Variants in PHC2 observed in about 807,000 individuals in gnomAD.
The protein encoded by PHC2 is polyhomeotic-like protein 2.
In PHC2, 29 loss-of-function variants were observed where a neutral mutation model predicts 87.4. The observed-to-expected ratio is 0.33, with a 90% CI of 0.25 to 0.45. PHC2 has a LOEUF of 0.45. Among genes scored for constraint, PHC2 ranks in the 20% least tolerant of loss-of-function variants. The pLI, the probability that PHC2 is intolerant of heterozygous loss-of-function variation, is 1.00. For synonymous variants in PHC2, 438 were observed against 461.7 expected (o/e 0.95, Z 0.66); for missense variants, 857 against 1,136.7 (o/e 0.75, Z 3.54).
chr1:33,421,504 A>C (rs772305993), intron 1 of PHC2, among the ~76,000 whole-genome samples: 17 of 152,214 alleles, frequency 1.1e-4, no homozygotes, highest in Non-Finnish European at 2.5e-4. Flanking sequence ...GAAAGGAAGG[A>C]GTTATGGGTG....
intron 1 of PHC2, among the ~76,000 whole-genome samples, chr1:33,391,813 C>A (rs1649065884): frequency 6.6e-6 from 1 of 152,130 alleles, no homozygotes; most frequent in Non-Finnish European, 1.5e-5. Flanking sequence ...CGATGGGCAA[C>A]CAGACACATG....
chr1:33,361,923 C>A (rs1429727818), intron 7 of PHC2, among the ~76,000 whole-genome samples: 1 of 152,182 alleles, frequency 6.6e-6, no homozygotes, highest in Non-Finnish European at 1.5e-5. Context: ...ATATAATCAC[C>A]TCTGTTTTAC....
In PHC2 at chr1:33,331,282, A is replaced by C; in HGVS notation, c.2006+66T>G. ...CCCTATGGACCTCCTGGGGTAGACT[A>C]TTAATGGCAGGAGGTGGGACATAAA... On this transcript the variant is annotated intron_variant, in intron 12 of 14. Coordinates refer to ENST00000683057, the MANE Select transcript of PHC2 (RefSeq NM_001385109.1). This position sits in a 1 kb window ranked among gnomAD's most constrained non-coding sequence, Gnocchi z 5.2. 5.8e-6 allele frequency: 5 copies of C among 868,802 alleles called. No individual in the cohort carries two copies. The South Asian group carries it at 7.5e-5, about 13-fold the overall frequency. 53.8% of individuals were successfully genotyped at this position (868,802 alleles called of 1,614,324 possible).
At position 33,328,988 on chromosome 1, in the gene PHC2, G is replaced by A; in HGVS notation, c.2307C>T (p.Asp769=). 6.2e-7 allele frequency: 1 copy of A among 1,614,232 alleles called. No homozygotes were observed. The highest frequency in any genetic ancestry group is 8.5e-7 in the Non-Finnish European group (1 of 1,180,040). The part of the protein sequence containing the change: ...STSRRRQGQR[D]LELPDMHMRD... ...GCATATGCATGTCGGGGAGCTCCAG[G>A]TCCCGCTGGCCTTGTCGCCGGCGGG... The change falls in exon 14 of 15, where the codon GAC becomes GAT. Residue 769 remains aspartate, a synonymous_variant. Transcript: ENST00000683057.
At chr1:33,343,763 G>T (rs893013767) in intron 9 of PHC2, among the ~76,000 whole-genome samples, 1 of 152,120 alleles carries the variant, frequency 6.6e-6, no homozygotes, top group Non-Finnish European at 1.5e-5. Context: ...TAATCTTTCC[G>T]TGGCCCAAAC....
intron 1 of PHC2, among the ~76,000 whole-genome samples, chr1:33,385,589 T>C (rs1162265187): frequency 3.3e-5 from 5 of 152,198 alleles, no homozygotes; most frequent in African/African-American, 9.7e-5. Context: ...AGAGAGTACA[T>C]TAAGGTAGGA....
At chr1:33,406,485 A>C (rs895947395) in intron 1 of PHC2, among the ~76,000 whole-genome samples, 3 of 152,200 alleles carry the variant, frequency 2.0e-5, no homozygotes, top group Non-Finnish European at 4.4e-5. Context: ...TATGACAACC[A>C]AAAATAAGTC....
At chr1:33,373,417 G>A (rs966434518) in intron 2 of PHC2, among the ~76,000 whole-genome samples, 12 of 152,098 alleles carry the variant, frequency 7.9e-5, no homozygotes, top group African/African-American at 2.2e-4. Flanking sequence ...CACTGTGCCC[G>A]GCCCCCTTTA....
chr1:33,347,573 A>G, intron 9 of PHC2: 14 of 985,524 alleles, frequency 1.4e-5, no homozygotes, highest in African/African-American at 1.7e-5. Context: ...TTTGGGGGAA[A>G]AAAGAAGGGG....
At position 33,354,941 on chromosome 1, in the gene PHC2, G is replaced by C; in HGVS notation, c.1289C>G (p.Thr430Ser). The C allele has an allele frequency of 6.2e-7, 1 of 1,614,220 alleles. No homozygotes were observed. Among genetic ancestry groups the C allele is most frequent in the Non-Finnish European group, 8.5e-7 (1 of 1,180,048 alleles). Reference protein sequence around the residue: ...SQQCHPPTPDTGPQNGHPEGV... With the variant: ...SQQCHPPTPDSGPQNGHPEGV... ...CTCGGGATGTCCATTCTGAGGCCCA[G>C]TATCAGGTGTGGGAGGGTGACACTG... The change falls in exon 8 of 15, where the codon ACT becomes AGT. Residue 430 changes from threonine (T) to serine (S), a missense_variant. Thr to Ser is a moderately conservative substitution (Grantham distance 58). Around this residue, in one of 3 missense-constraint regions of PHC2, gnomAD observed 832 missense variants for 1,081.8 expected, o/e 0.77. Coordinates refer to ENST00000683057, the MANE Select transcript of PHC2 (RefSeq NM_001385109.1).
intron 1 of PHC2, among the ~76,000 whole-genome samples, chr1:33,396,373 A>G (rs997770551): frequency 7.9e-5 from 12 of 152,208 alleles, no homozygotes; most frequent in Non-Finnish European, 1.5e-4. Context: ...GGAGGGGTAA[A>G]AGGGGAAATA....
chr1:33,363,706 T>C, intron 7 of PHC2: 1 of 972,424 alleles, frequency 1.0e-6, no homozygotes, highest in Non-Finnish European at 1.2e-6. Flanking sequence ...TCACAGCATA[T>C]CCCTCCCAGT....
At chr1:33,409,160 C>T (rs1020954582) in intron 1 of PHC2, among the ~76,000 whole-genome samples, 4 of 152,152 alleles carry the variant, frequency 2.6e-5, no homozygotes, top group African/African-American at 9.7e-5. Context: ...TAGTATTTTA[C>T]ATAGGTTTTA....
intron 1 of PHC2, among the ~76,000 whole-genome samples, chr1:33,420,880 T>C (rs553453133): frequency 1.1e-4 from 17 of 152,288 alleles, no homozygotes; most frequent in African/African-American, 3.9e-4. Context: ...CAACGTGCTG[T>C]GTTTACAGGT....
At chr1:33,427,404 G>T (rs1253838519) in intron 1 of PHC2, among the ~76,000 whole-genome samples, 2 of 152,178 alleles carry the variant, frequency 1.3e-5, no homozygotes, top group Non-Finnish European at 2.9e-5. Flanking sequence ...TAATGAAGCA[G>T]ACAGGGAAAA....
intron 9 of PHC2, chr1:33,346,753 A>C: frequency 1.0e-6 from 1 of 985,386 alleles, no homozygotes. Flanking sequence ...GCCTGGCCTG[A>C]GGTCCACAGC....
At chr1:33,357,094 C>T (rs941407690) in intron 7 of PHC2, among the ~76,000 whole-genome samples, 3 of 152,248 alleles carry the variant, frequency 2.0e-5, no homozygotes, top group African/African-American at 4.8e-5. Context: ...AGCAGCTCAG[C>T]TGAATCTGTC....
At chr1:33,406,573 C>T (rs186656112) in intron 1 of PHC2, among the ~76,000 whole-genome samples, 41 of 152,272 alleles carry the variant, frequency 2.7e-4, no homozygotes, top group African/African-American at 9.6e-4. Context: ...GGTGTGTCTT[C>T]TGTAAACAGC....
At chr1:33,407,124 C>T (rs1032732492) in intron 1 of PHC2, among the ~76,000 whole-genome samples, 1 of 152,158 alleles carries the variant, frequency 6.6e-6, no homozygotes, top group Non-Finnish European at 1.5e-5. Flanking sequence ...AGTTTTAAAA[C>T]AATCTGTTAC....
Sources: gnomAD v4.1 joint callset for allele counts (sites outside exome capture counted in the v4.1 genomes callset) on GRCh38, gnomAD v4.1.1 for gene constraint, gnomAD v4.1.1 regional missense constraint, Gnocchi (gnomAD v3.1) non-coding constraint, MANE v1.5 for transcripts, NCBI Gene and HGNC (gene_info 2026-07-23, HGNC 2026-07-21) for gene names.